Variants in PDCD6 observed in about 807,000 individuals in gnomAD.
The protein encoded by PDCD6 is programmed cell death 6.
PDCD6 carries 12 observed loss-of-function variants against 28.3 expected under a neutral mutation model. The ratio of observed to expected loss-of-function variants is 0.42; its 90% CI spans 0.27 to 0.69. The LOEUF (loss-of-function observed/expected upper bound fraction) is 0.69. Among genes scored for constraint, PDCD6 ranks in the 30% least tolerant of loss-of-function variants. The probability of loss-of-function intolerance (pLI) is 0.22; values close to 1 mark genes in which losing one functional copy is unlikely to be tolerated. For synonymous variants in PDCD6, 92 were observed against 108.0 expected, an observed-to-expected ratio of 0.85 and a Z score of 0.92; for missense variants, 226 against 269.9, an observed-to-expected ratio of 0.84 and a Z score of 1.14.
At chr5:273,601 T>C (rs1462962086) in intron 2 of PDCD6, among the ~76,000 whole-genome samples, 1 of 152,206 alleles carries the variant, frequency 6.6e-6, no homozygotes, top group Admixed American at 6.5e-5. Flanking sequence ...AGGCTTCTTG[T>C]TATTAGTGGG....
At chr5:312,318 C>T (rs537855997) in intron 5 of PDCD6, 53 of 152,366 alleles carry the variant, frequency 3.5e-4, no homozygotes, top group African/African-American at 1.2e-3. Context: ...TGATCCAGGT[C>T]TCTACCCAGG....
chr5:301,337 C>T (rs186707296), intron 2 of PDCD6, among the ~76,000 whole-genome samples: 9 of 152,288 alleles, frequency 5.9e-5, no homozygotes, highest in East Asian at 1.9e-4. Context: ...CGGTGAAGAA[C>T]GGGGGAGACC....
intron 1 of PDCD6, 90 bp from the exon 2 acceptor site, chr5:272,621 C>G: frequency 7.4e-6 from 11 of 1,478,272 alleles, no homozygotes; most frequent in Non-Finnish European, 9.9e-6. Flanking sequence ...AGGGAGCCTT[C>G]CAGAGTCGGT....
At chr5:311,454 TGC>T (rs752777850) in intron 5 of PDCD6, 52 bp downstream of exon 5, 53 of 1,250,006 alleles carry the variant, frequency 4.2e-5, no homozygotes, top group Non-Finnish European at 6.2e-5. Context: ...GGGGCTTGCT[TGC>T]CAGCGTGATG....
intron 2 of PDCD6, among the ~76,000 whole-genome samples, chr5:286,106 A>G (rs573048473): frequency 7.4e-6 from 1 of 135,472 alleles, no homozygotes; most frequent in South Asian, 2.3e-4. Context: ...GGGGGAGCTG[A>G]TGTTCTCCTT....
At chr5:306,424 G>C in intron 3 of PDCD6, 178 bp from the exon 4 acceptor site, 2 of 617,674 alleles carry the variant, frequency 3.2e-6, no homozygotes, top group Non-Finnish European at 2.9e-6. Context: ...CCAGGGCGAA[G>C]GTGACAAGAC....
Position 314,471 on chromosome 5 carries a change from G to T in PDCD6, c.532G>T (p.Val178Leu). 1 of 1,613,934 alleles carries T rather than the reference G, an allele frequency of 6.2e-7. No individual in the cohort carries two copies. The highest frequency in any genetic ancestry group is 8.5e-7 in the Non-Finnish European group (1 of 1,179,978). The change falls in exon 6 of 6, where the codon GTG (valine) becomes TTG (leucine). Residue 178 changes from valine (V) to leucine (L), a missense_variant. Coordinates refer to ENST00000264933, the MANE Select transcript of PDCD6 (RefSeq NM_013232.4). ...YDTDQDGWIQVSYEQYLSMVF... is the reference protein window; with the variant it reads ...YDTDQDGWIQLSYEQYLSMVF... ...CACGGATCAGGACGGCTGGATTCAG[G>T]TGTCGTACGAACAGTACCTGTCCAT... is the stretch of plus-strand genomic sequence containing the variant.
chr5:306,936 T>A (rs926775096), intron 4 of PDCD6, among the ~76,000 whole-genome samples, 176 bp downstream of exon 4: 1 of 152,244 alleles, frequency 6.6e-6, no homozygotes, highest in Non-Finnish European at 1.5e-5. Context: ...ATCCTCGACA[T>A]GGATACGTTT....
At chr5:306,462 C>G in intron 3 of PDCD6, 140 bp from the exon 4 acceptor site, 1 of 709,856 alleles carries the variant, frequency 1.4e-6, no homozygotes, top group Non-Finnish European at 2.5e-6. Context: ...CATTCACAGA[C>G]AGGCATGCAT....
intron 2 of PDCD6, chr5:273,510 C>G (rs1178823179): frequency 6.6e-6 from 1 of 152,610 alleles, no homozygotes; most frequent in African/African-American, 2.4e-5. Flanking sequence ...TTTTCTGATT[C>G]TGTGTATAGT....
At chr5:274,952 T>C (rs1033872803) in intron 2 of PDCD6, among the ~76,000 whole-genome samples, 2 of 152,126 alleles carry the variant, frequency 1.3e-5, no homozygotes, top group African/African-American at 4.8e-5. Flanking sequence ...ATTCCTGAGA[T>C]ACTTTGAAAT....
intron 1 of PDCD6, among the ~76,000 whole-genome samples, 159 bp downstream of exon 1, chr5:271,980 C>CCCCCGA (rs1313435500): frequency 1.3e-5 from 2 of 151,390 alleles, no homozygotes; most frequent in Non-Finnish European, 3.0e-5. Flanking sequence ...CCTGCCGCCG[C>CCCCCGA]CCCCGACCCC....
intron 2 of PDCD6, among the ~76,000 whole-genome samples, chr5:281,715 GC>G (rs1438904787): frequency 1.3e-5 from 2 of 150,028 alleles, no homozygotes; most frequent in African/African-American, 5.0e-5. Flanking sequence ...TCGGGGAGGG[GC>G]TGAGGTTCTA....
chr5:312,600 G>A (rs943874620), intron 5 of PDCD6, among the ~76,000 whole-genome samples: 1 of 152,098 alleles, frequency 6.6e-6, no homozygotes, highest in Admixed American at 6.5e-5. Flanking sequence ...CCTGCCTCTC[G>A]GGGTTCCTGC....
At chr5:281,644 G>A (rs1388773743) in intron 2 of PDCD6, among the ~76,000 whole-genome samples, 1 of 152,168 alleles carries the variant, frequency 6.6e-6, no homozygotes. Context: ...TTTGAGGGTT[G>A]TGGAGCTGGA....
chr5:306,899 AT>A, intron 4 of PDCD6, 139 bp downstream of exon 4: 2 of 804,534 alleles, frequency 2.5e-6, no homozygotes, highest in Non-Finnish European at 4.2e-6. Flanking sequence ...GCAGGTTCAT[AT>A]TTGATATTGC....
At chr5:279,570 G>T (rs565464692) in intron 2 of PDCD6, among the ~76,000 whole-genome samples, 9 of 152,048 alleles carry the variant, frequency 5.9e-5, no homozygotes, top group Non-Finnish European at 1.2e-4. Context: ...TTTCAAAGGG[G>T]CGTGTCATGT....
chr5:286,170 G>A (rs555507312), intron 2 of PDCD6, among the ~76,000 whole-genome samples: 14 of 150,578 alleles, frequency 9.3e-5, no homozygotes, highest in Non-Finnish European at 7.4e-5. Context: ...TTTGAGGGCC[G>A]TGCAGCTGGA....
intron 2 of PDCD6, among the ~76,000 whole-genome samples, chr5:299,831 C>CTG (rs1739934884): frequency 6.6e-6 from 1 of 151,952 alleles, no homozygotes; most frequent in Non-Finnish European, 1.5e-5. Flanking sequence ...TTACAGGCGC[C>CTG]AGCCACCGCG....
Sources: allele counts gnomAD v4.1 joint callset (sites outside exome capture counted in the v4.1 genomes callset), GRCh38; gene constraint gnomAD v4.1.1; transcripts MANE v1.5; gene names NCBI Gene and HGNC (gene_info 2026-07-23, HGNC 2026-07-21).